WDFY1: variants seen among roughly 807,000 people sequenced by gnomAD.
The protein encoded by WDFY1 is WD repeat and FYVE domain containing 1, also known as WD repeat and FYVE domain-containing protein 1.
A neutral mutation model predicts 56.4 loss-of-function variants in WDFY1; 32 were observed. That is an observed-to-expected ratio of 0.57 (90% confidence interval 0.43 to 0.76). WDFY1 has a LOEUF of 0.76. WDFY1 is among the 30% of genes least tolerant of loss of function. WDFY1 has a pLI of 0.00. For synonymous variants in WDFY1, 192 were observed against 197.3 expected, an observed-to-expected ratio of 0.97 and a Z score of 0.23; for missense variants, 480 against 545.7, an observed-to-expected ratio of 0.88 and a Z score of 1.20.
In WDFY1 at chr2:223,934,671, C is replaced by T. The variant is rs183266397; in HGVS notation, c.137+10477G>A. ...CAGTAGCTGGGATTACAGGCATCTG[C>T]CACCATGCCTGGCTAATCTTTGTAT... On this transcript the variant is annotated intron_variant, in intron 1 of 11. Transcript: ENST00000233055. Among the ~76,000 whole-genome samples the T allele has an allele frequency of 2.7e-3, 412 of 152,126 alleles. 2 individuals are homozygous for T. The highest frequency in any genetic ancestry group is 9.6e-3 in the African/African-American group (398 of 41,504).
intron 5 of WDFY1, 78 bp from the exon 6 acceptor site, chr2:223,899,148 A>C: frequency 8.4e-7 from 1 of 1,194,074 alleles, no homozygotes; most frequent in Non-Finnish European, 1.2e-6. Context: ...GCATTAGTCA[A>C]AGTTAGTTTT....
chr2:223,941,276 T>TA (rs1689299423), intron 1 of WDFY1, among the ~76,000 whole-genome samples: 1 of 151,766 alleles, frequency 6.6e-6, no homozygotes, highest in East Asian at 1.9e-4. Context: ...TTTTTTTTTT[T>TA]AATTTAAAAA....
chr2:223,880,260 ATTTACTTGACT>A (rs1280709298), intron 10 of WDFY1, 28 bp from the exon 11 acceptor site: 1 of 1,605,866 alleles, frequency 6.2e-7, no homozygotes, highest in Non-Finnish European at 8.5e-7. Flanking sequence ...ATCACTGAAA[ATTTACTTGACT>A]GTACCTAGAG....
intron 1 of WDFY1, among the ~76,000 whole-genome samples, chr2:223,918,630 CA>C (rs34949257): frequency 0.82 from 113,461 of 137,692 alleles, 46,337 homozygotes; most frequent in Middle Eastern, 0.88. Context: ...GACTCTGTCT[CA>C]AAAAAAAAAA....
chr2:223,895,548 G>A lies in WDFY1; in HGVS notation c.681C>T (p.Asp227=), dbSNP rs1386322237. The change falls in exon 7 of 12, where the codon GAC becomes GAT. Residue 227 remains aspartate (D), a synonymous_variant. Coordinates refer to ENST00000233055, the MANE Select transcript of WDFY1 (RefSeq NM_020830.5). ...GASDNSIIMW[D]IGGRKGRTLL... Reference sequence around the variant, plus strand: ...GCGTCCGGCCTTTCCTTCCTCCGATGTCCCACATGATGATGCTGTTGTCAG... The same window carrying A: ...GCGTCCGGCCTTTCCTTCCTCCGATATCCCACATGATGATGCTGTTGTCAG... 9 of 1,613,924 alleles carry A rather than the reference G, an allele frequency of 5.6e-6. No individual in the cohort carries two copies. Among genetic ancestry groups the A allele is most frequent in the Non-Finnish European group, 6.8e-6 (8 of 1,179,990 alleles).
intron 8 of WDFY1, among the ~76,000 whole-genome samples, chr2:223,888,661 A>C (rs1234000884): frequency 7.1e-6 from 1 of 140,720 alleles, no homozygotes. Context: ...ATCTCGGCTC[A>C]CTGCAACCTC....
At chr2:223,919,539 T>C (rs1693855650) in intron 1 of WDFY1, among the ~76,000 whole-genome samples, 1 of 152,168 alleles carries the variant, frequency 6.6e-6, no homozygotes, top group Admixed American at 6.6e-5. Flanking sequence ...AGATGCAGTC[T>C]TGCTCTGTGG....
In WDFY1 at chr2:223,877,690, A is replaced by T. The variant is rs1692993527; in HGVS notation, c.*981T>A. The T allele has an allele frequency of 6.6e-6, 1 of 152,524 alleles. No individual in the cohort carries two copies. The highest frequency in any genetic ancestry group is 1.5e-5 in the Non-Finnish European group (1 of 68,042). The allele number at this position is 152,524 out of a possible 1,614,324, so 9.4% of individuals were successfully genotyped here. On this transcript the variant is annotated 3_prime_UTR_variant, in exon 12 of 12. Transcript: ENST00000233055. Reference sequence around the variant, plus strand: ...ATAATACTAGTTATAACTCAAAGTCAAAATAGTGTAAAAGCTGTGGAGTGC... The same window carrying T: ...ATAATACTAGTTATAACTCAAAGTCTAAATAGTGTAAAAGCTGTGGAGTGC...
In WDFY1 at chr2:223,919,711, A is replaced by G. The variant is rs573010355; in HGVS notation, c.138-1701T>C. ...TTCTAACGGCAATGTAGATTCTGGCATAAGTAGGAGCTGAATAAATGCTTA... is the reference window on the plus strand; with the variant it reads ...TTCTAACGGCAATGTAGATTCTGGCGTAAGTAGGAGCTGAATAAATGCTTA... On this transcript the variant is annotated intron_variant, in intron 1 of 11. Coordinates refer to ENST00000233055, the MANE Select transcript of WDFY1 (RefSeq NM_020830.5). Among the ~76,000 whole-genome samples the G allele has an allele frequency of 1.6e-4, 24 of 152,356 alleles. No individual in the cohort carries two copies. The South Asian group carries it at 4.3e-3, about 28-fold the overall frequency.
In WDFY1 at chr2:223,876,378, G is replaced by A. The variant is rs1396911542; in HGVS notation, c.*2293C>T. The stretch of plus-strand genomic sequence containing the variant: ...TCTTCTGTGCCTACTCAGTAAAATT[G>A]AGAAAATAATTTTTGCCCACTTCTA... On this transcript the variant is annotated 3_prime_UTR_variant, in exon 12 of 12. Transcript: ENST00000233055. 6.6e-6 allele frequency: 1 copy of A among 152,516 alleles called. No individual in the cohort carries two copies. Among genetic ancestry groups the A allele is most frequent in the Admixed American group, 6.6e-5 (1 of 15,260 alleles). 9.4% of individuals were successfully genotyped at this position (152,516 alleles called of 1,614,324 possible). A position where few individuals can be genotyped will look rare whatever the true frequency, so the allele number is the denominator to read the frequency against.
intron 2 of WDFY1, among the ~76,000 whole-genome samples, chr2:223,913,427 T>C (rs985813936): frequency 6.6e-6 from 1 of 152,104 alleles, no homozygotes; most frequent in African/African-American, 2.4e-5. Context: ...TGTAGTTGGC[T>C]CTGAAAGGTA....
At chr2:223,893,371 A>G (rs1406666651) in intron 8 of WDFY1, among the ~76,000 whole-genome samples, 1 of 151,992 alleles carries the variant, frequency 6.6e-6, no homozygotes, top group East Asian at 1.9e-4. Flanking sequence ...AAAAAAAAAA[A>G]ATTGAAAAAT....
At chr2:223,898,374 C>G (rs1693435455) in intron 6 of WDFY1, among the ~76,000 whole-genome samples, 1 of 152,102 alleles carries the variant, frequency 6.6e-6, no homozygotes, top group African/African-American at 2.4e-5. Flanking sequence ...TTTTAAAGGT[C>G]TTCCCAGCAC....
chr2:223,942,465 G>A (rs1026583501), intron 1 of WDFY1, among the ~76,000 whole-genome samples: 1 of 146,578 alleles, frequency 6.8e-6, no homozygotes, highest in African/African-American at 2.5e-5. Context: ...TTATCCACCC[G>A]CCTCGGCCTC....
intron 8 of WDFY1, among the ~76,000 whole-genome samples, chr2:223,890,180 A>C (rs1203558057): frequency 6.6e-6 from 1 of 152,172 alleles, no homozygotes; most frequent in African/African-American, 2.4e-5. Context: ...TTAAGAAAGA[A>C]TATTACTTTG....
chr2:223,916,763 C>T (rs976119974), intron 2 of WDFY1, among the ~76,000 whole-genome samples: 1 of 151,188 alleles, frequency 6.6e-6, no homozygotes, highest in Non-Finnish European at 1.5e-5. Flanking sequence ...CTTAGATTCA[C>T]ATGAAGGGCT....
chr2:223,897,373 TATATATATATATATATA>T (rs1693404026), intron 6 of WDFY1, among the ~76,000 whole-genome samples: 6 of 37,808 alleles, frequency 1.6e-4, no homozygotes, highest in Non-Finnish European at 3.8e-4. Context: ...TATATATATA[TATATATATATATATATA>T]TTTTTTAAGA....
intron 10 of WDFY1, among the ~76,000 whole-genome samples, 169 bp downstream of exon 10, chr2:223,881,773 G>T (rs899362940): frequency 9.2e-5 from 14 of 152,092 alleles, no homozygotes; most frequent in Non-Finnish European, 2.1e-4. Context: ...GGGTGACAGA[G>T]CAAGACTCTG....
chr2:223,938,015 A>C (rs1158855029), intron 1 of WDFY1, among the ~76,000 whole-genome samples: 1 of 152,222 alleles, frequency 6.6e-6, no homozygotes, highest in East Asian at 1.9e-4. Context: ...AGTGGAAGCA[A>C]ATATATTACA....
Sources: gnomAD v4.1 joint callset for allele counts (sites outside exome capture counted in the v4.1 genomes callset) on GRCh38, gnomAD v4.1.1 for gene constraint, MANE v1.5 for transcripts, NCBI Gene and HGNC (gene_info 2026-07-23, HGNC 2026-07-21) for gene names.